Variants in YY1 observed in about 807,000 individuals in gnomAD.
The protein encoded by YY1 is transcriptional repressor protein YY1.
YY1 carries 2 observed loss-of-function variants against 35.6 expected under a neutral mutation model. The observed-to-expected ratio is 0.06, with a 90% CI of 0.02 to 0.18. The LOEUF is 0.18. Among genes scored for constraint, YY1 ranks in the 10% least tolerant of loss-of-function variants. The pLI is 1.00. For synonymous variants in YY1, 268 were observed against 238.9 expected (o/e 1.12, Z -1.12); for missense variants, 322 against 573.4 (o/e 0.56, Z 4.48).
At chr14:100,244,187 C>CT (rs1890794217) in intron 1 of YY1, among the ~76,000 whole-genome samples, 1 of 151,916 alleles carries the variant, frequency 6.6e-6, no homozygotes, top group South Asian at 2.1e-4. Context: ...TGCCATGTTC[C>CT]TTTAATTTCC....
intron 1 of YY1, among the ~76,000 whole-genome samples, chr14:100,260,467 GTAT>G (rs1350983581): frequency 9.1e-4 from 78 of 85,706 alleles, no homozygotes; most frequent in African/African-American, 3.7e-3. Context: ...ACACATATAT[GTAT>G]TTTTTTTTTT....
At chr14:100,241,239 G>GCGGTGGAACCTCTTCC (rs1890736177) in intron 1 of YY1, among the ~76,000 whole-genome samples, 1 of 152,182 alleles carries the variant, frequency 6.6e-6, no homozygotes, top group African/African-American at 2.4e-5. Flanking sequence ...CTCCATATAA[G>GCGGTGGAACCTCTTCC]CGGTGGAACC....
chr14:100,248,176 C>T (rs1424409209), intron 1 of YY1, among the ~76,000 whole-genome samples: 2 of 137,488 alleles, frequency 1.5e-5, no homozygotes, highest in East Asian at 2.2e-4. Flanking sequence ...AGTGCAGTGG[C>T]GCGATCTCGG....
chr14:100,257,268 G>A (rs531423984), intron 1 of YY1, among the ~76,000 whole-genome samples: 1 of 152,286 alleles, frequency 6.6e-6, no homozygotes, highest in African/African-American at 2.4e-5. Context: ...TTCCTTGAGA[G>A]CAGATACTTT....
rs920374604 is a variant in YY1, at chr14:100,276,106, T to C, written c.904-384T>C. 6 of 304,964 alleles carry C rather than the reference T, an allele frequency of 2.0e-5. No homozygotes were observed. Among genetic ancestry groups the C allele is most frequent in the Non-Finnish European group, 3.2e-5 (5 of 157,902 alleles). The allele number at this position is 304,964 out of a possible 1,614,324, so 18.9% of individuals were successfully genotyped here. On this transcript the variant is annotated intron_variant, in intron 3 of 4. Coordinates refer to ENST00000262238, the MANE Select transcript of YY1 (RefSeq NM_003403.5). This position sits in a 1 kb window ranked among gnomAD's most constrained non-coding sequence, Gnocchi z 4.1. ...GTGGACTACCGTCATTTTAACTCCA[T>C]TTGCTTAGCAGTGCTTCTGTTACTT...
chr14:100,244,989 T>G (rs1890810179), intron 1 of YY1, among the ~76,000 whole-genome samples: 1 of 152,114 alleles, frequency 6.6e-6, no homozygotes, highest in Admixed American at 6.5e-5. Flanking sequence ...CAGGCTAGAG[T>G]GCAGTGGCAC....
intron 1 of YY1, among the ~76,000 whole-genome samples, chr14:100,250,149 C>CT (rs1890902975): frequency 6.6e-6 from 1 of 152,112 alleles, no homozygotes; most frequent in African/African-American, 2.4e-5. Context: ...GGTTTAATAC[C>CT]TTAAAGATAT....
At chr14:100,253,361 A>G (rs1890952354) in intron 1 of YY1, among the ~76,000 whole-genome samples, 1 of 152,176 alleles carries the variant, frequency 6.6e-6, no homozygotes, top group Admixed American at 6.6e-5. Context: ...TTTCAGTAGT[A>G]ATTATGAAGG....
At chr14:100,254,203 A>G (rs946943242) in intron 1 of YY1, among the ~76,000 whole-genome samples, 1 of 152,232 alleles carries the variant, frequency 6.6e-6, no homozygotes, top group African/African-American at 2.4e-5. Context: ...AATAAAAATT[A>G]CTAGCTTCTT....
At chr14:100,241,398 G>A (rs1429189278) in intron 1 of YY1, among the ~76,000 whole-genome samples, 1 of 152,188 alleles carries the variant, frequency 6.6e-6, no homozygotes, top group Non-Finnish European at 1.5e-5. Context: ...AAGCTAGTTT[G>A]TATCTGGTGA....
intron 1 of YY1, among the ~76,000 whole-genome samples, chr14:100,260,771 CTTTTTTTTTTTTTTTT>C (rs71113254): frequency 1.6e-3 from 69 of 42,560 alleles, no homozygotes; most frequent in African/African-American, 2.1e-3. Context: ...GTGCCTGGTC[CTTTTTTTTTTTTTTTT>C]TTTTTTTTTT....
chr14:100,272,713 A>G (rs547176362), intron 2 of YY1, among the ~76,000 whole-genome samples: 3 of 151,740 alleles, frequency 2.0e-5, no homozygotes, highest in Admixed American at 6.6e-5. Flanking sequence ...GGTTACATGG[A>G]TGAATTCTAT....
At chr14:100,256,461 A>G (rs941928519) in intron 1 of YY1, among the ~76,000 whole-genome samples, 7 of 152,302 alleles carry the variant, frequency 4.6e-5, no homozygotes, top group Admixed American at 3.3e-4. Context: ...TTATTTCTCC[A>G]TCCATTAACA....
chr14:100,242,899 C>T (rs1194658452), intron 1 of YY1, among the ~76,000 whole-genome samples: 2 of 152,170 alleles, frequency 1.3e-5, no homozygotes, highest in African/African-American at 4.8e-5. Flanking sequence ...CAGGCATCCA[C>T]CACCACCCCT....
At chr14:100,260,490 T>C (rs1412385684) in intron 1 of YY1, among the ~76,000 whole-genome samples, 1 of 148,662 alleles carries the variant, frequency 6.7e-6, no homozygotes, top group Admixed American at 6.7e-5. Flanking sequence ...TTTTCTTTTT[T>C]GAGACAGAGT....
At chr14:100,251,142 C>T (rs569194012) in intron 1 of YY1, among the ~76,000 whole-genome samples, 12 of 152,290 alleles carry the variant, frequency 7.9e-5, no homozygotes, top group Admixed American at 7.8e-4. Flanking sequence ...ACCTTATTTG[C>T]AAGTGTGATT....
chr14:100,276,700 C>CA lies in YY1; in HGVS notation c.1062+54dup, dbSNP rs1203673379. The CA allele has an allele frequency of 1.2e-6, 2 of 1,611,964 alleles. No individual in the cohort carries two copies. Among genetic ancestry groups the CA allele is most frequent in the Non-Finnish European group, 1.7e-6 (2 of 1,178,870 alleles). On this transcript the variant is annotated intron_variant, in intron 4 of 4. Transcript: ENST00000262238. This position sits in a 1 kb window ranked among gnomAD's most constrained non-coding sequence, Gnocchi z 4.1. ...CACTGCCTTGCCTGTCTGAACACTGCAAGTGTAGGTGGTGTGGTGATGAGG... is the reference window on the plus strand; with the variant it reads ...CACTGCCTTGCCTGTCTGAACACTGCAAAGTGTAGGTGGTGTGGTGATGAGG...
chr14:100,243,636 ACAAAAAAC>A (rs951441413), intron 1 of YY1, among the ~76,000 whole-genome samples: 38 of 152,030 alleles, frequency 2.5e-4, no homozygotes, highest in African/African-American at 9.2e-4. Flanking sequence ...CTGCAAAAAA[ACAAAAAAC>A]CCCACAAAAA....
chr14:100,247,111 G>A (rs1162571049), intron 1 of YY1, among the ~76,000 whole-genome samples: 2 of 152,304 alleles, frequency 1.3e-5, no homozygotes, highest in South Asian at 2.1e-4. Flanking sequence ...TTGGAAGAGG[G>A]TAAATTTTTT....
Sources: gnomAD v4.1 joint callset for allele counts (sites outside exome capture counted in the v4.1 genomes callset) on GRCh38, gnomAD v4.1.1 for gene constraint, Gnocchi (gnomAD v3.1) non-coding constraint, MANE v1.5 for transcripts, NCBI Gene and HGNC (gene_info 2026-07-23, HGNC 2026-07-21) for gene names.